The following RBFOX3 variants were observed in gnomAD, a reference collection of about 807,000 sequenced individuals.
RBFOX3 encodes RNA binding protein fox-1 homolog 3.
In RBFOX3, 17 loss-of-function variants were observed where a neutral mutation model predicts 48.7. That is an observed-to-expected ratio of 0.35 (90% confidence interval 0.24 to 0.52). The LOEUF is 0.52. Ranked by LOEUF, RBFOX3 falls within the 20% of genes least tolerant of loss-of-function variation. The probability of loss-of-function intolerance (pLI) is 0.94; values close to 1 mark genes in which losing one functional copy is unlikely to be tolerated. For synonymous variants in RBFOX3, 212 were observed against 209.5 expected, an observed-to-expected ratio of 1.01 and a Z score of -0.10; for missense variants, 382 against 497.5, an observed-to-expected ratio of 0.77 and a Z score of 2.21.
chr17:79,260,414 C>T (rs2065565368), intron 3 of RBFOX3, among the ~76,000 whole-genome samples: 1 of 152,232 alleles, frequency 6.6e-6, no homozygotes, highest in South Asian at 2.1e-4. Flanking sequence ...TGTTCTTTCC[C>T]CTGCACCTTG....
intron 1 of RBFOX3, among the ~76,000 whole-genome samples, chr17:79,551,765 A>C (rs1248609782): frequency 2.0e-5 from 3 of 152,162 alleles, no homozygotes; most frequent in African/African-American, 7.2e-5. Flanking sequence ...CTCTCTCACC[A>C]TGTGACACTC....
intron 2 of RBFOX3, among the ~76,000 whole-genome samples, chr17:79,337,278 G>A (rs2081342441): frequency 1.3e-5 from 2 of 152,174 alleles, no homozygotes; most frequent in Non-Finnish European, 1.5e-5. Flanking sequence ...AATCCCAGGT[G>A]GGATGGAGCC....
At chr17:79,181,268 C>T (rs1425126203) in intron 4 of RBFOX3, among the ~76,000 whole-genome samples, 3 of 152,244 alleles carry the variant, frequency 2.0e-5, no homozygotes, top group African/African-American at 7.2e-5. Flanking sequence ...TCTGCAGAAA[C>T]CCAGAGCTAC....
chr17:79,292,682 T>G (rs1289544921), intron 3 of RBFOX3, among the ~76,000 whole-genome samples: 2 of 152,096 alleles, frequency 1.3e-5, no homozygotes, highest in Non-Finnish European at 2.9e-5. Context: ...ATGGGCTGCT[T>G]TCGCTGTGTA....
chr17:79,590,378 G>A (rs1022971356), intron 1 of RBFOX3, among the ~76,000 whole-genome samples: 1 of 152,148 alleles, frequency 6.6e-6, no homozygotes, highest in African/African-American at 2.4e-5. Context: ...GCACATAATT[G>A]CCCTTTGTTT....
At chr17:79,583,398 C>G (rs932740576) in intron 1 of RBFOX3, among the ~76,000 whole-genome samples, 1 of 152,194 alleles carries the variant, frequency 6.6e-6, no homozygotes, top group Non-Finnish European at 1.5e-5. Context: ...CCTGACCTTA[C>G]AGAAGACAGA....
chr17:79,097,669 C>T (rs2075635389), intron 10 of RBFOX3, 23 bp downstream of exon 10: 3 of 1,329,772 alleles, frequency 2.3e-6, no homozygotes, highest in Non-Finnish European at 3.1e-6. Context: ...CTCATCCCAT[C>T]CCCGCCCCGC....
At chr17:79,654,303 C>T in the RBFOX3 span, among the ~76,000 whole-genome samples, 3 of 152,172 alleles carry the variant, frequency 2.0e-5, no homozygotes, top group South Asian at 6.2e-4. Flanking sequence ...CTAGACTACC[C>T]TCCAAAGAAT....
intron 2 of RBFOX3, among the ~76,000 whole-genome samples, chr17:79,359,774 G>A (rs550855469): frequency 1.3e-5 from 2 of 151,776 alleles, no homozygotes; most frequent in Admixed American, 6.6e-5. Context: ...GTTGCTCAGG[G>A]TGGAGTGCAG....
rs865938616 is a variant in RBFOX3 at position 79,299,236 on chromosome 17, C to A, written c.-74+8488G>T. Among the ~76,000 whole-genome samples, 1 of 151,816 alleles carries A rather than the reference C, an allele frequency of 6.6e-6. No individual in the cohort carries two copies. The highest frequency in any genetic ancestry group is 2.4e-5 in the African/African-American group (1 of 41,296). ...ACCTGGCAAACCCTGGCCAGCACAC[C>A]CAGACACAACCCCGGATGGCATCAG... On this transcript the variant is annotated intron_variant, in intron 3 of 14. Coordinates refer to ENST00000693108, the MANE Select transcript of RBFOX3 (RefSeq NM_001350451.2). The surrounding 1 kb of genome is among the most constrained non-coding windows in gnomAD (Gnocchi z 4.5).
rs561528119 is a variant in RBFOX3, at chr17:79,405,951, C to T, written c.-175+76503G>A. 9.2e-5 allele frequency among the ~76,000 whole-genome samples: 14 copies of T among 152,334 alleles called. No individual in the cohort carries two copies. The South Asian group carries it at 1.5e-3, about 16-fold the overall frequency. On this transcript the variant is annotated intron_variant, in intron 2 of 14. Coordinates refer to ENST00000693108, the MANE Select transcript of RBFOX3 (RefSeq NM_001350451.2). The stretch of plus-strand genomic sequence containing the variant: ...TCTGTGCATGGATCTTGGGACTGCA[C>T]GCCTTCACTGCTGGCTCCTTTCATG...
chr17:79,547,041 A>G (rs117514586), intron 1 of RBFOX3, among the ~76,000 whole-genome samples: 1,969 of 152,226 alleles, frequency 0.013, 24 homozygotes, highest in Non-Finnish European at 0.018. Context: ...GGTGGGTCTG[A>G]GCCTGACCCT....
chr17:79,257,967 G>A (rs954626891), intron 3 of RBFOX3, among the ~76,000 whole-genome samples: 1 of 151,806 alleles, frequency 6.6e-6, no homozygotes, highest in Admixed American at 6.6e-5. Flanking sequence ...TTGTGGGGAC[G>A]GGGGTCTCAA....
chr17:79,196,767 G>A (rs2055674798), intron 4 of RBFOX3, among the ~76,000 whole-genome samples: 1 of 152,218 alleles, frequency 6.6e-6, no homozygotes, highest in Admixed American at 6.5e-5. Flanking sequence ...AAAGAGCAGA[G>A]AGTCTACAGA....
chr17:79,288,460 C>A (rs943147764), intron 3 of RBFOX3, among the ~76,000 whole-genome samples: 1 of 151,184 alleles, frequency 6.6e-6, no homozygotes, highest in Non-Finnish European at 1.5e-5. Context: ...AACCACTGCC[C>A]CTTTCCATTC....
At chr17:79,116,719 ACT>A (rs1198484694) in intron 4 of RBFOX3, among the ~76,000 whole-genome samples, 1 of 152,098 alleles carries the variant, frequency 6.6e-6, no homozygotes, top group Admixed American at 6.5e-5. Flanking sequence ...TCTCTGAGGA[ACT>A]CTCAAAGATC....
rs1273237966 is a variant in RBFOX3, at chr17:79,254,669, G to A, written c.-73-18864C>T. On this transcript the variant is annotated intron_variant, in intron 3 of 14. Transcript: ENST00000693108. The surrounding 1 kb of genome is among the most constrained non-coding windows in gnomAD (Gnocchi z 4.8). ...GGGGCCACTTCTGAGCCCTCTTGGC[G>A]ATTCGTATACTTGCCCCTCCATGCA... Among the ~76,000 whole-genome samples the A allele has an allele frequency of 1.3e-5, 2 of 152,094 alleles. No individual in the cohort carries two copies. Among genetic ancestry groups the A allele is most frequent in the African/African-American group, 2.4e-5 (1 of 41,404 alleles).
chr17:79,497,441 C>T (rs1044931711), intron 1 of RBFOX3, among the ~76,000 whole-genome samples: 5 of 152,046 alleles, frequency 3.3e-5, no homozygotes, highest in East Asian at 1.9e-4. Context: ...CCAAGCAATA[C>T]GTTTGGGAAA....
intron 3 of RBFOX3, among the ~76,000 whole-genome samples, chr17:79,273,644 G>A (rs1296219248): frequency 1.3e-5 from 2 of 152,132 alleles, no homozygotes; most frequent in Non-Finnish European, 2.9e-5. Context: ...TGGTCCTGGG[G>A]CACATAGGTG....
Sources: gnomAD v4.1 joint callset for allele counts (sites outside exome capture counted in the v4.1 genomes callset) on GRCh38, gnomAD v4.1.1 for gene constraint, Gnocchi (gnomAD v3.1) non-coding constraint, MANE v1.5 for transcripts, NCBI Gene and HGNC (gene_info 2026-07-23, HGNC 2026-07-21) for gene names.